The following GREB1L variants were observed in gnomAD, a reference collection of about 807,000 sequenced individuals.
GREB1L encodes GREB1-like protein.
In GREB1L, 17 loss-of-function variants were observed where a neutral mutation model predicts 200.8. That is an observed-to-expected ratio of 0.08 (90% CI 0.06 to 0.13). The LOEUF (loss-of-function observed/expected upper bound fraction) is 0.13, where lower values mean the gene tolerates loss of function less well. Ranked by LOEUF, GREB1L falls within the 10% of genes least tolerant of loss-of-function variation. The probability of loss-of-function intolerance (pLI) is 1.00; values close to 1 mark genes in which losing one functional copy is unlikely to be tolerated. For synonymous variants in GREB1L, 789 were observed against 893.0 expected, an observed-to-expected ratio of 0.88 and a Z score of 2.08; for missense variants, 1,657 against 2,367.7, an observed-to-expected ratio of 0.70 and a Z score of 6.23.
At chr18:21,446,434 G>A (rs1568018110) in intron 11 of GREB1L, among the ~76,000 whole-genome samples, 1 of 152,054 alleles carries the variant, frequency 6.6e-6, no homozygotes, top group Non-Finnish European at 1.5e-5. Context: ...CTTATCTTTT[G>A]TAAAGAAAAA....
intron 15 of GREB1L, among the ~76,000 whole-genome samples, chr18:21,471,746 G>T (rs1404847305): frequency 1.3e-5 from 2 of 151,476 alleles, no homozygotes; most frequent in Admixed American, 6.6e-5. Flanking sequence ...TCAGCCTTCT[G>T]AGTAGCTGGG....
chr18:21,496,172 C>A (rs547727965), intron 20 of GREB1L, among the ~76,000 whole-genome samples: 2 of 152,168 alleles, frequency 1.3e-5, no homozygotes, highest in African/African-American at 4.8e-5. Context: ...GCTTACTGTG[C>A]GTGTCAGGCA....
chr18:21,357,735 A>G (rs966083450), intron 1 of GREB1L, among the ~76,000 whole-genome samples: 1 of 152,150 alleles, frequency 6.6e-6, no homozygotes, highest in African/African-American at 2.4e-5. Flanking sequence ...GTTCTTCCCC[A>G]TTGTGTGTTC....
At chr18:21,315,984 G>T (rs2038862196) in intron 1 of GREB1L, among the ~76,000 whole-genome samples, 1 of 152,188 alleles carries the variant, frequency 6.6e-6, no homozygotes, top group Admixed American at 6.5e-5. Flanking sequence ...GTGCTGTGCA[G>T]TCTGCCCTCG....
At chr18:21,259,873 T>TC (rs1183372241) in intron 1 of GREB1L, among the ~76,000 whole-genome samples, 1 of 151,952 alleles carries the variant, frequency 6.6e-6, no homozygotes, top group Admixed American at 6.6e-5. Context: ...TCCTTTTTTT[T>TC]CATGGTGGGG....
intron 21 of GREB1L, among the ~76,000 whole-genome samples, chr18:21,499,140 G>A (rs2036672829): frequency 6.6e-6 from 1 of 152,194 alleles, no homozygotes; most frequent in Non-Finnish European, 1.5e-5. Context: ...GCAGTCTGGG[G>A]AGCTGATCTG....
At chr18:21,258,941 G>C (rs900021021) in intron 1 of GREB1L, among the ~76,000 whole-genome samples, 8 of 152,060 alleles carry the variant, frequency 5.3e-5, no homozygotes, top group African/African-American at 1.7e-4. Context: ...TGATAGTCTG[G>C]AAAAAAGTGT....
intron 23 of GREB1L, among the ~76,000 whole-genome samples, chr18:21,501,745 C>T (rs2036803275): frequency 6.6e-6 from 1 of 152,118 alleles, no homozygotes; most frequent in Non-Finnish European, 1.5e-5. Flanking sequence ...TATATTTTAC[C>T]CATAGGCTCT....
intron 15 of GREB1L, among the ~76,000 whole-genome samples, chr18:21,469,309 C>A (rs915173416): frequency 6.6e-5 from 10 of 152,002 alleles, no homozygotes; most frequent in African/African-American, 2.4e-4. Flanking sequence ...TTATTTTATT[C>A]TATGGGTTAT....
chr18:21,350,074 T>C (rs1290973195), intron 1 of GREB1L, among the ~76,000 whole-genome samples: 1 of 152,148 alleles, frequency 6.6e-6, no homozygotes, highest in Non-Finnish European at 1.5e-5. Context: ...CTAATGAACA[T>C]TTATACATTC....
chr18:21,289,199 C>A (rs2038406997), intron 1 of GREB1L, among the ~76,000 whole-genome samples: 1 of 152,152 alleles, frequency 6.6e-6, no homozygotes, highest in South Asian at 2.1e-4. Context: ...ACCTCTCTTT[C>A]CTTCTGTTTC....
At chr18:21,501,706 G>C (rs1249264247) in intron 23 of GREB1L, among the ~76,000 whole-genome samples, 1 of 152,216 alleles carries the variant, frequency 6.6e-6, no homozygotes, top group African/African-American at 2.4e-5. Context: ...CTGGATACTA[G>C]TCCTTTGTTG....
chr18:21,503,218 AT>A (rs1347801729), intron 23 of GREB1L, among the ~76,000 whole-genome samples: 1 of 151,638 alleles, frequency 6.6e-6, no homozygotes, highest in Non-Finnish European at 1.5e-5. Flanking sequence ...TAATAAAAAA[AT>A]ATATATTTTA....
chr18:21,503,379 G>C (rs1251305135), intron 23 of GREB1L, among the ~76,000 whole-genome samples: 1 of 150,936 alleles, frequency 6.6e-6, no homozygotes, highest in Non-Finnish European at 1.5e-5. Context: ...GCTAATTTTT[G>C]TATTTTTAGT....
chr18:21,441,799 C>A lies in GREB1L; in HGVS notation c.1207+262C>A, dbSNP rs149590023. 7.2e-3 allele frequency among the ~76,000 whole-genome samples: 1,093 copies of A among 152,266 alleles called. 22 individuals are homozygous for A. The highest frequency in any genetic ancestry group is 0.025 in the African/African-American group (1,048 of 41,550). On this transcript the variant is annotated intron_variant, in intron 10 of 32. Transcript: ENST00000424526. ...CACCAGCGTTGGTAAATAAGCATTA[C>A]AACACATGGGCGATACCATTATAGC...
chr18:21,505,841 C>G lies in GREB1L; in HGVS notation c.4260C>G (p.Pro1420=). The G allele has an allele frequency of 6.4e-7, 1 of 1,551,748 alleles. No homozygotes were observed. The highest frequency in any genetic ancestry group is 1.4e-5 in the African/African-American group (1 of 73,104). The change falls in exon 25 of 33, where the codon CCC becomes CCG. Residue 1420 remains proline (P), a synonymous_variant. Transcript: ENST00000424526. The part of the protein sequence containing the change: ...EVIKESKVEE[P]RKRETVSIML... ...TAAAGGAATCCAAAGTTGAAGAGCC[C>G]AGGAAACGGGAAACTGTATCCATAA...
chr18:21,522,583 A>G, intron 32 of GREB1L, 75 bp from the exon 33 acceptor site: 1 of 1,159,346 alleles, frequency 8.6e-7, no homozygotes, highest in South Asian at 1.8e-5. Flanking sequence ...TAGCTTAGGA[A>G]ATATAATCAG....
At chr18:21,308,118 A>G (rs1050243769) in intron 1 of GREB1L, among the ~76,000 whole-genome samples, 2 of 152,222 alleles carry the variant, frequency 1.3e-5, no homozygotes, top group Non-Finnish European at 2.9e-5. Context: ...GACACTATCA[A>G]CTATTTTTGA....
At chr18:21,396,835 A>G (rs562630428) in intron 5 of GREB1L, among the ~76,000 whole-genome samples, 1 of 152,376 alleles carries the variant, frequency 6.6e-6, no homozygotes, top group South Asian at 2.1e-4. Flanking sequence ...TAAATAATTA[A>G]AAAGATAAGA....
Sources: allele counts gnomAD v4.1 joint callset (sites outside exome capture counted in the v4.1 genomes callset), GRCh38; gene constraint gnomAD v4.1.1; transcripts MANE v1.5; gene names NCBI Gene and HGNC (gene_info 2026-07-23, HGNC 2026-07-21).